The following WDPCP variants were observed in gnomAD, a reference collection of about 807,000 sequenced individuals.
WDPCP encodes the protein WD repeat containing planar cell polarity effector.
A neutral mutation model predicts 93.1 loss-of-function variants in WDPCP; 71 were observed. That is an observed-to-expected ratio of 0.76 (90% CI 0.63 to 0.93). The LOEUF (loss-of-function observed/expected upper bound fraction) is 0.93. WDPCP is among the 40% of genes least tolerant of loss of function. The pLI, the probability that WDPCP is intolerant of heterozygous loss-of-function variation, is 0.00. For synonymous variants in WDPCP, 315 were observed against 315.0 expected, an observed-to-expected ratio of 1.00 and a Z score of 0.00; for missense variants, 844 against 887.4, an observed-to-expected ratio of 0.95 and a Z score of 0.62.
chr2:63,212,809 C>A, intron 14 of WDPCP, among the ~76,000 whole-genome samples: 1 of 147,394 alleles, frequency 6.8e-6, no homozygotes. Flanking sequence ...AAAAAAAAAG[C>A]AGGGGTTGCA....
intron 9 of WDPCP, among the ~76,000 whole-genome samples, chr2:63,430,156 G>A (rs1696630628): frequency 6.6e-6 from 1 of 152,082 alleles, no homozygotes; most frequent in Non-Finnish European, 1.5e-5. Context: ...CTTATAAGTG[G>A]GAGCTAAACA....
chr2:63,339,955 T>C (rs1435228068), intron 12 of WDPCP, among the ~76,000 whole-genome samples: 2 of 152,178 alleles, frequency 1.3e-5, no homozygotes. Context: ...GAAATAATCA[T>C]ATGTTTTTTG....
At chr2:63,778,897 TA>T (rs1670345850) in intron 2 of WDPCP, among the ~76,000 whole-genome samples, 1 of 152,218 alleles carries the variant, frequency 6.6e-6, no homozygotes, top group Admixed American at 6.5e-5. Context: ...GTTTTCCAAA[TA>T]AAAGATAATA....
intron 17 of WDPCP, among the ~76,000 whole-genome samples, chr2:63,150,974 G>A (rs1671849673): frequency 1.3e-5 from 2 of 152,174 alleles, no homozygotes; most frequent in Admixed American, 1.3e-4. Flanking sequence ...CCAGAGCACT[G>A]AACATAAAGT....
intron 10 of WDPCP, among the ~76,000 whole-genome samples, chr2:63,387,635 A>G (rs1247082854): frequency 6.6e-6 from 1 of 152,144 alleles, no homozygotes; most frequent in Non-Finnish European, 1.5e-5. Flanking sequence ...CAGAGCCATC[A>G]GGCAAGAGAA....
At chr2:63,468,314 C>T (rs944202208) in intron 6 of WDPCP, among the ~76,000 whole-genome samples, 2 of 152,160 alleles carry the variant, frequency 1.3e-5, no homozygotes, top group Non-Finnish European at 2.9e-5. Flanking sequence ...CCATCTGCTT[C>T]TTAGAAGACC....
chr2:63,257,997 T>C (rs1681281848), intron 14 of WDPCP, among the ~76,000 whole-genome samples: 1 of 152,160 alleles, frequency 6.6e-6, no homozygotes, highest in Non-Finnish European at 1.5e-5. Context: ...TCATATAACG[T>C]CATCATTCCT....
chr2:63,214,166 C>CA (rs1193035339), intron 14 of WDPCP, among the ~76,000 whole-genome samples: 1 of 151,852 alleles, frequency 6.6e-6, no homozygotes, highest in African/African-American at 2.4e-5. Flanking sequence ...AGAGACACAA[C>CA]AAAAAAAGAG....
intron 9 of WDPCP, among the ~76,000 whole-genome samples, chr2:63,428,866 C>T (rs776293766): frequency 1.3e-4 from 20 of 152,122 alleles, no homozygotes; most frequent in Non-Finnish European, 1.6e-4. Context: ...ATAAGAACTA[C>T]GAAATACTGC....
At chr2:63,655,959 G>C (rs939530159) in intron 2 of WDPCP, among the ~76,000 whole-genome samples, 1 of 152,162 alleles carries the variant, frequency 6.6e-6, no homozygotes, top group Non-Finnish European at 1.5e-5. Context: ...TGACTCTGTA[G>C]GATGTATTCT....
At chr2:63,186,318 C>T (rs745540546) in intron 14 of WDPCP, among the ~76,000 whole-genome samples, 1 of 152,200 alleles carries the variant, frequency 6.6e-6, no homozygotes, top group African/African-American at 2.4e-5. Context: ...CTTGAATGCA[C>T]TCCACAACCA....
chr2:63,411,255 G>C (rs530337562), intron 9 of WDPCP, among the ~76,000 whole-genome samples: 1 of 152,066 alleles, frequency 6.6e-6, no homozygotes, highest in Non-Finnish European at 1.5e-5. Context: ...CAAATACATG[G>C]AAATTTAATA....
At chr2:63,435,524 C>T (rs1233156032) in intron 8 of WDPCP, among the ~76,000 whole-genome samples, 1 of 152,062 alleles carries the variant, frequency 6.6e-6, no homozygotes, top group African/African-American at 2.4e-5. Context: ...TGATTTGCTG[C>T]ATAAGTGTGT....
chr2:63,500,454 G>GTGTGTGTGC (rs1553412903), intron 1 of WDPCP, among the ~76,000 whole-genome samples: 1 of 149,474 alleles, frequency 6.7e-6, no homozygotes, highest in South Asian at 2.1e-4. Context: ...ATGGTGTGGG[G>GTGTGTGTGC]GTGTGTGTGT....
chr2:63,154,362 T>C (rs1045363419), intron 15 of WDPCP, among the ~76,000 whole-genome samples: 3 of 152,102 alleles, frequency 2.0e-5, no homozygotes, highest in Non-Finnish European at 1.5e-5. Flanking sequence ...TTCATAACTA[T>C]AGTTTTGACT....
chr2:63,703,896 G>C (rs1363653301), intron 2 of WDPCP, among the ~76,000 whole-genome samples: 2 of 152,082 alleles, frequency 1.3e-5, no homozygotes, highest in Non-Finnish European at 2.9e-5. Context: ...TGGGCAGTAT[G>C]GCCATTTTCA....
intron 12 of WDPCP, among the ~76,000 whole-genome samples, chr2:63,331,665 G>A (rs781257317): frequency 5.3e-5 from 8 of 152,052 alleles, no homozygotes; most frequent in Non-Finnish European, 8.8e-5. Flanking sequence ...CTATTTTGCA[G>A]CAAATGCCCT....
intron 6 of WDPCP, among the ~76,000 whole-genome samples, chr2:63,469,921 G>T (rs1699595411): frequency 6.6e-6 from 1 of 152,056 alleles, no homozygotes; most frequent in Non-Finnish European, 1.5e-5. Flanking sequence ...CTTTTATCTA[G>T]ATCATGAATG....
At chr2:63,574,706 T>C (rs1398157152) in intron 1 of WDPCP, among the ~76,000 whole-genome samples, 4 of 151,796 alleles carry the variant, frequency 2.6e-5, no homozygotes, top group East Asian at 1.9e-4. Flanking sequence ...GAAAAAAAAA[T>C]GTAAAAGACT....
Sources: allele counts gnomAD v4.1 joint callset (sites outside exome capture counted in the v4.1 genomes callset), GRCh38; gene constraint gnomAD v4.1.1; transcripts MANE v1.5; gene names NCBI Gene and HGNC (gene_info 2026-07-23, HGNC 2026-07-21).